The following C5orf24 variants were observed in gnomAD, a reference collection of about 807,000 sequenced individuals.
The protein encoded by C5orf24 is chromosome 5 open reading frame 24.
In C5orf24, 4 loss-of-function variants were observed where a neutral mutation model predicts 9.8. The observed-to-expected ratio is 0.41, with a 90% CI of 0.20 to 0.93. The LOEUF (loss-of-function observed/expected upper bound fraction) is 0.93, where lower values mean the gene tolerates loss of function less well. Ranked by LOEUF, C5orf24 falls within the 40% of genes least tolerant of loss-of-function variation. C5orf24 has a pLI of 0.33. For missense variants in C5orf24, 170 were observed against 236.9 expected, an observed-to-expected ratio of 0.72 and a Z score of 1.85; for synonymous variants, 73 against 81.3, an observed-to-expected ratio of 0.90 and a Z score of 0.55.
rs1756359217 is a variant in C5orf24 at position 134,858,108 on chromosome 5, A to G, written c.*2641A>G. The G allele has an allele frequency of 1.2e-5, 2 of 167,208 alleles. No individual in the cohort carries two copies. The highest frequency in any genetic ancestry group is 4.1e-4 in the South Asian group (2 of 4,832). 10.4% of individuals were successfully genotyped at this position (167,208 alleles called of 1,614,324 possible). ...GTTCATAACAGTGTTTATTATCAGC[A>G]GCTATGTCCCAGGAAAAAAAAATGG... On this transcript the variant is annotated 3_prime_UTR_variant, in exon 2 of 2. Coordinates refer to ENST00000394976, the MANE Select transcript of C5orf24 (RefSeq NM_001135586.1).
the C5orf24 span, among the ~76,000 whole-genome samples, chr5:134,837,265 G>T: frequency 6.6e-6 from 1 of 152,206 alleles, no homozygotes; most frequent in East Asian, 1.9e-4. Context: ...GAGCCACTGT[G>T]CCTGGCCACT....
At chr5:134,837,213 T>A in the C5orf24 span, among the ~76,000 whole-genome samples, 1 of 152,158 alleles carries the variant, frequency 6.6e-6, no homozygotes, top group African/African-American at 2.4e-5. Flanking sequence ...CCTCAGGTGA[T>A]CCACCCGCCT....
Position 134,852,647 on chromosome 5 carries a change from C to T in C5orf24, c.-3-2251C>T, listed in dbSNP as rs976247489. Among the ~76,000 whole-genome samples, 16 of 152,208 alleles carry T rather than the reference C, an allele frequency of 1.1e-4. 1 individual carries two copies. Among genetic ancestry groups the T allele is most frequent in the Admixed American group, 6.5e-5 (1 of 15,272 alleles). On this transcript the variant is annotated intron_variant, in intron 1 of 1. Coordinates refer to ENST00000394976, the MANE Select transcript of C5orf24 (RefSeq NM_001135586.1). The stretch of plus-strand genomic sequence containing the variant: ...ATCTCCTAACAACTTGAGGCTGGAC[C>T]TTAATATACATTTGTGACTCTTTAT...
At chr5:134,836,664 C>G in the C5orf24 span, among the ~76,000 whole-genome samples, 1 of 151,898 alleles carries the variant, frequency 6.6e-6, no homozygotes, top group Non-Finnish European at 1.5e-5. Context: ...CTGCCTCATC[C>G]TCCTGAGTAG....
chr5:134,850,777 G>C lies in C5orf24; in HGVS notation c.-3-4121G>C, dbSNP rs186017688. Among the ~76,000 whole-genome samples the C allele has an allele frequency of 4.6e-5, 7 of 151,654 alleles. No individual in the cohort carries two copies. In the East Asian group the frequency reaches 1.2e-3, roughly 25 times the overall value. On this transcript the variant is annotated intron_variant, in intron 1 of 1. Coordinates refer to ENST00000394976, the MANE Select transcript of C5orf24 (RefSeq NM_001135586.1). ...GAGGCATGAGTCACCATGCCCAGCC[G>C]CACGACTAATTTTTTAATGGTATGT...
In C5orf24 at chr5:134,859,585, A is replaced by C. The variant is rs1433075370; in HGVS notation, c.*4118A>C. ...AAGCACGCTGTCCTCTGCTGTAAAAAGTCTGAATAGATACTGTGTATGTTT... is the reference window on the plus strand; with the variant it reads ...AAGCACGCTGTCCTCTGCTGTAAAACGTCTGAATAGATACTGTGTATGTTT... On this transcript the variant is annotated 3_prime_UTR_variant, in exon 2 of 2. Transcript: ENST00000394976. 2 of 167,102 alleles carry C rather than the reference A, an allele frequency of 1.2e-5. No individual in the cohort carries two copies. The highest frequency in any genetic ancestry group is 2.9e-5 in the Non-Finnish European group (2 of 68,122). 10.4% of individuals were successfully genotyped at this position (167,102 alleles called of 1,614,324 possible).
chr5:134,845,054 G>T (rs1755958214), upstream of C5orf24, among the ~76,000 whole-genome samples: 2 of 152,164 alleles, frequency 1.3e-5, no homozygotes, highest in Admixed American at 6.5e-5. Context: ...GTTTTTATTG[G>T]TGTAGGTTTG....
In C5orf24 at chr5:134,853,528, CTT is replaced by C. The variant is rs773207000; in HGVS notation, c.-3-1348_-3-1347del. 3.4e-3 allele frequency among the ~76,000 whole-genome samples: 359 copies of C among 104,228 alleles called. 1 individual carries two copies. The highest frequency in any genetic ancestry group is 0.012 in the African/African-American group (342 of 28,286). 68.4% of individuals were successfully genotyped at this position (104,228 alleles called of 152,430 possible). A position where few individuals can be genotyped will look rare whatever the true frequency, so the allele number is the denominator to read the frequency against. The stretch of plus-strand genomic sequence containing the variant: ...GACTTTGGACCTTCTTCTTCTTCTT[CTT>C]TTTTTTTTTTTTTTTTTTTTTCTAT... On this transcript the variant is annotated intron_variant, in intron 1 of 1. Coordinates refer to ENST00000394976, the MANE Select transcript of C5orf24 (RefSeq NM_001135586.1).
the C5orf24 span, among the ~76,000 whole-genome samples, chr5:134,836,336 T>G: frequency 3.9e-5 from 6 of 152,162 alleles, no homozygotes; most frequent in African/African-American, 1.4e-4. Context: ...CACACCTGGC[T>G]AAATTTTTGT....
chr5:134,844,892 C>T (rs1258551122), upstream of C5orf24, among the ~76,000 whole-genome samples: 2 of 152,178 alleles, frequency 1.3e-5, no homozygotes, highest in African/African-American at 4.8e-5. Context: ...TGCGCACCAC[C>T]ATGCCCAACT....
chr5:134,837,608 C>T, the C5orf24 span, among the ~76,000 whole-genome samples: 2 of 151,724 alleles, frequency 1.3e-5, no homozygotes, highest in African/African-American at 4.8e-5. Flanking sequence ...GGGATCAGTG[C>T]CCTTATAAAA....
Position 134,854,929 on chromosome 5 carries a change from C to A in C5orf24, c.29C>A (p.Pro10Gln), listed in dbSNP as rs757690818. 1.5e-5 allele frequency: 25 copies of A among 1,613,784 alleles called. No homozygotes were observed. Among genetic ancestry groups the A allele is most frequent in the Non-Finnish European group, 2.1e-5 (25 of 1,179,994 alleles). Residue 10 changes from proline (P) to glutamine (Q), a missense_variant, in exon 2 of 2, where the codon CCA becomes CAA. Physicochemically the swap from Pro to Gln is moderately conservative, Grantham distance 76 (BLOSUM62 -1). Transcript: ENST00000394976. ...ATGCATCCTGTTGCCAGCAGTAATC[C>A]AGCTTTCTGTGGGCCTGGCAAGCCT... MMHPVASSN[P>Q]AFCGPGKPSC...
chr5:134,849,960 G>A (rs902934096), intron 1 of C5orf24, among the ~76,000 whole-genome samples: 5 of 151,470 alleles, frequency 3.3e-5, no homozygotes, highest in African/African-American at 4.8e-5. Flanking sequence ...ACCTGGCTAA[G>A]TCAGTGTCTC....
chr5:134,845,995 C>T lies in C5orf24; in HGVS notation c.-221C>T, dbSNP rs1050014390. ...CACTACAGGGTGGTAGCGGCCTCTT[C>T]GTACTGCGTCCGGGGCAGGACCGTG... On this transcript the variant is annotated 5_prime_UTR_variant, in exon 1 of 2. Coordinates refer to ENST00000394976, the MANE Select transcript of C5orf24 (RefSeq NM_001135586.1). 5 of 152,344 alleles carry T rather than the reference C, an allele frequency of 3.3e-5. No individual in the cohort carries two copies. In the East Asian group the frequency reaches 9.7e-4, roughly 29 times the overall value. 9.4% of individuals were successfully genotyped at this position (152,344 alleles called of 1,614,324 possible).
chr5:134,853,064 C>G (rs1756201910), intron 1 of C5orf24, among the ~76,000 whole-genome samples: 1 of 151,952 alleles, frequency 6.6e-6, no homozygotes, highest in Non-Finnish European at 1.5e-5. Context: ...ACTTGGGAGG[C>G]TGAGGCAGGA....
upstream of C5orf24, among the ~76,000 whole-genome samples, chr5:134,843,783 G>C (rs1340327722): frequency 6.6e-6 from 1 of 152,196 alleles, no homozygotes; most frequent in Non-Finnish European, 1.5e-5. Flanking sequence ...TTGAACTCCT[G>C]ATTTCAGGGG....
In C5orf24 at chr5:134,855,027, A is replaced by T. The variant is rs372418986; in HGVS notation, c.127A>T (p.Ser43Cys). The T allele has an allele frequency of 1.2e-6, 2 of 1,614,118 alleles. No homozygotes were observed. The highest frequency in any genetic ancestry group is 2.7e-5 in the African/African-American group (2 of 74,946). ...DIYSSQQSKY[S>C]HTVNHKPMVC... ...ATATTCCTCCCAGCAAAGCAAATAC[A>T]GCCACACAGTCAACCACAAACCAAT... is the stretch of plus-strand genomic sequence containing the variant. Residue 43 changes from serine (S) to cysteine (C), a missense_variant, in exon 2 of 2, where the codon AGC (serine) becomes TGC (cysteine). Physicochemically the swap from Ser to Cys is moderately radical, Grantham distance 112. Transcript: ENST00000394976.
At chr5:134,840,042 C>T in the C5orf24 span, among the ~76,000 whole-genome samples, 1 of 151,986 alleles carries the variant, frequency 6.6e-6, no homozygotes, top group African/African-American at 2.4e-5. Flanking sequence ...GGTGCGGTGG[C>T]TCACTCCTGT....
the C5orf24 span, among the ~76,000 whole-genome samples, chr5:134,837,402 T>A: frequency 2.0e-5 from 3 of 152,166 alleles, no homozygotes; most frequent in Non-Finnish European, 4.4e-5. Flanking sequence ...GTGCCTGGCA[T>A]ATGGTAAGCA....
Sources: gnomAD v4.1 joint callset for allele counts (sites outside exome capture counted in the v4.1 genomes callset) on GRCh38, gnomAD v4.1.1 for gene constraint, MANE v1.5 for transcripts, NCBI Gene and HGNC (gene_info 2026-07-23, HGNC 2026-07-21) for gene names.